The following LIN54 variants were observed in gnomAD, a reference collection of about 807,000 sequenced individuals.
LIN54 encodes the protein lin-54 DREAM MuvB core complex component, also known as protein lin-54 homolog.
LIN54 carries 9 observed loss-of-function variants against 78.7 expected under a neutral mutation model. That is an observed-to-expected ratio of 0.11 (90% confidence interval 0.07 to 0.20). The LOEUF is 0.20. Ranked by LOEUF, LIN54 falls within the 10% of genes least tolerant of loss-of-function variation. The probability of loss-of-function intolerance (pLI) is 1.00; values close to 1 mark genes in which losing one functional copy is unlikely to be tolerated. For synonymous variants in LIN54, 269 were observed against 318.4 expected, an observed-to-expected ratio of 0.84 and a Z score of 1.65; for missense variants, 573 against 889.9, an observed-to-expected ratio of 0.64 and a Z score of 4.53.
At chr4:82,970,895 C>T (rs964787221) in intron 3 of LIN54, among the ~76,000 whole-genome samples, 4 of 152,288 alleles carry the variant, frequency 2.6e-5, no homozygotes, top group Non-Finnish European at 4.4e-5. Context: ...GAAATCCACA[C>T]TTATAAAACA....
chr4:82,994,210 G>C (rs1727995552), intron 1 of LIN54, among the ~76,000 whole-genome samples: 1 of 151,974 alleles, frequency 6.6e-6, no homozygotes, highest in South Asian at 2.1e-4. Flanking sequence ...GGATAATAAA[G>C]AAGTGTGCCA....
intron 1 of LIN54, among the ~76,000 whole-genome samples, chr4:82,991,108 C>T (rs1420950223): frequency 2.1e-5 from 3 of 141,314 alleles, no homozygotes; most frequent in African/African-American, 7.8e-5. Flanking sequence ...CTGCAGTGCA[C>T]CACTGTACTC....
intron 1 of LIN54, among the ~76,000 whole-genome samples, chr4:82,996,941 T>C (rs926610048): frequency 6.6e-6 from 1 of 152,052 alleles, no homozygotes; most frequent in African/African-American, 2.4e-5. Flanking sequence ...CCAGGTACTC[T>C]ATCCCATTAC....
chr4:82,978,934 T>C lies in LIN54; in HGVS notation c.757A>G (p.Ser253Gly). 1 of 1,591,372 alleles carries C rather than the reference T, an allele frequency of 6.3e-7. No individual in the cohort carries two copies. The highest frequency in any genetic ancestry group is 8.6e-7 in the Non-Finnish European group (1 of 1,162,970). ...TKLIFAKPIN[S>G]KAVTGQTTQV... ...GTTGTCTGTCCTGTAACTGCTTTAC[T>C]ATTAATTGGTTTTGCAAAGATCAGC... Residue 253 changes from serine (S) to glycine (G), a missense_variant, in exon 3 of 13, where the codon AGT becomes GGT. By Grantham distance (56) the Ser-to-Gly change is moderately conservative (BLOSUM62 0). Coordinates refer to ENST00000340417, the MANE Select transcript of LIN54 (RefSeq NM_194282.4).
intron 11 of LIN54, among the ~76,000 whole-genome samples, chr4:82,933,742 G>A (rs1195090030): frequency 2.0e-5 from 3 of 152,194 alleles, no homozygotes; most frequent in Admixed American, 6.5e-5. Context: ...AGAATAGGTA[G>A]GGTAGGGCTG....
At chr4:82,934,727 A>G (rs1722250466) in intron 11 of LIN54, among the ~76,000 whole-genome samples, 1 of 152,232 alleles carries the variant, frequency 6.6e-6, no homozygotes, top group Non-Finnish European at 1.5e-5. Context: ...TAATTAATTA[A>G]TTAATTCTCT....
At position 82,970,480 on chromosome 4, in the gene LIN54, G is replaced by A. The variant is rs755402922; in HGVS notation, c.809-11C>T. 6.2e-7 allele frequency: 1 copy of A among 1,600,152 alleles called. No homozygotes were observed. Among genetic ancestry groups the A allele is most frequent in the Non-Finnish European group, 8.5e-7 (1 of 1,175,770 alleles). On this transcript the variant is annotated splice_polypyrimidine_tract_variant and intron_variant, in intron 3 of 12. Coordinates refer to ENST00000340417, the MANE Select transcript of LIN54 (RefSeq NM_194282.4). ...GTGAAAGAACCCTACCTGCAAATGA[G>A]AGGCAGCACATCAGTTTGACTTTTT...
intron 1 of LIN54, among the ~76,000 whole-genome samples, chr4:82,988,191 G>C (rs370244685): frequency 6.6e-6 from 1 of 152,034 alleles, no homozygotes; most frequent in Admixed American, 6.6e-5. Context: ...TGAGAAGTGG[G>C]TCTGTTCTAT....
At chr4:82,953,906 C>CA (rs1442426621) in intron 4 of LIN54, among the ~76,000 whole-genome samples, 2 of 152,038 alleles carry the variant, frequency 1.3e-5, no homozygotes, top group African/African-American at 2.4e-5. Context: ...CACCACTGCA[C>CA]TCCAGCCTGG....
At chr4:82,939,487 T>C (rs145183608) in intron 7 of LIN54, 52 bp downstream of exon 7, 2 of 1,442,938 alleles carry the variant, frequency 1.4e-6, no homozygotes, top group Non-Finnish European at 2.0e-6. Context: ...ACTAGACATC[T>C]TGGACCCCAT....
At chr4:82,996,062 T>C (rs1209581285) in intron 1 of LIN54, among the ~76,000 whole-genome samples, 1 of 151,694 alleles carries the variant, frequency 6.6e-6, no homozygotes, top group Non-Finnish European at 1.5e-5. Flanking sequence ...GGAGAATTGC[T>C]TGAACCCGGG....
intron 1 of LIN54, among the ~76,000 whole-genome samples, chr4:83,006,062 A>G (rs1384483558): frequency 1.3e-5 from 2 of 152,210 alleles, no homozygotes; most frequent in East Asian, 3.8e-4. Flanking sequence ...ATTCTCACTT[A>G]TAAGTGGGAG....
In LIN54 at chr4:82,979,630, CT is replaced by C. The variant is rs1226208938; in HGVS notation, c.685-625del. Among the ~76,000 whole-genome samples the C allele has an allele frequency of 2.6e-5, 4 of 152,036 alleles. No individual in the cohort carries two copies. The East Asian group carries it at 7.7e-4, about 29-fold the overall frequency. ...ATTTACTAAACTATTATGTACTACA[CT>C]TTTCTTCTTTTAAAGATGGGGTCCT... is the stretch of plus-strand genomic sequence containing the variant. On this transcript the variant is annotated intron_variant, in intron 2 of 12. Transcript: ENST00000340417.
At chr4:82,959,182 T>C (rs752979068) in intron 4 of LIN54, among the ~76,000 whole-genome samples, 10 of 152,086 alleles carry the variant, frequency 6.6e-5, no homozygotes, top group Non-Finnish European at 1.5e-4. Context: ...AGGACGTAAA[T>C]TGAAAATTTA....
chr4:82,999,704 G>A (rs1728571294), intron 1 of LIN54, among the ~76,000 whole-genome samples: 1 of 151,020 alleles, frequency 6.6e-6, no homozygotes, highest in South Asian at 2.1e-4. Context: ...CTTGAAACCG[G>A]GAGGCAGAGG....
intron 1 of LIN54, among the ~76,000 whole-genome samples, chr4:83,004,555 T>C (rs1403022895): frequency 6.6e-6 from 1 of 152,146 alleles, no homozygotes; most frequent in East Asian, 1.9e-4. Context: ...AATGCCAAGA[T>C]CATGGCTCAC....
intron 3 of LIN54, 105 bp from the exon 4 acceptor site, chr4:82,970,574 T>C (rs926528623): frequency 1.9e-6 from 2 of 1,064,358 alleles, no homozygotes; most frequent in Admixed American, 5.0e-5. Context: ...GTATGTTTGT[T>C]ATTTCATGTC....
At chr4:82,992,467 G>C (rs1320038973) in intron 1 of LIN54, among the ~76,000 whole-genome samples, 2 of 152,054 alleles carry the variant, frequency 1.3e-5, no homozygotes, top group Non-Finnish European at 2.9e-5. Flanking sequence ...TTGTGGCCAT[G>C]GGTTTGAGAC....
intron 12 of LIN54, among the ~76,000 whole-genome samples, chr4:82,930,628 A>G (rs924083627): frequency 6.6e-6 from 1 of 152,218 alleles, no homozygotes; most frequent in African/African-American, 2.4e-5. Context: ...ATGCAAAAAC[A>G]TAATTACACG....
Sources: gnomAD v4.1 joint callset for allele counts (sites outside exome capture counted in the v4.1 genomes callset) on GRCh38, gnomAD v4.1.1 for gene constraint, MANE v1.5 for transcripts, NCBI Gene and HGNC (gene_info 2026-07-23, HGNC 2026-07-21) for gene names.